Variants in CCDC85A observed in about 807,000 individuals in gnomAD.
CCDC85A encodes the protein coiled-coil domain-containing protein 85A.
In CCDC85A, 38 loss-of-function variants were observed where a neutral mutation model predicts 50.2. That is an observed-to-expected ratio of 0.76 (90% CI 0.58 to 0.99). The LOEUF is 0.99. Ranked by LOEUF, CCDC85A falls within the 50% of genes least tolerant of loss-of-function variation. CCDC85A has a pLI of 0.00. For synonymous variants in CCDC85A, 366 were observed against 301.4 expected (o/e 1.21, Z -2.22); for missense variants, 820 against 742.0 (o/e 1.11, Z -1.22).
chr2:56,288,574 C>T (rs142868858), intron 2 of CCDC85A, among the ~76,000 whole-genome samples: 121 of 152,140 alleles, frequency 8.0e-4, no homozygotes, highest in African/African-American at 2.6e-3. Flanking sequence ...ATTATGTTTA[C>T]CTTTAATTTG....
At chr2:56,193,633 T>C (rs1268082081) in intron 2 of CCDC85A, among the ~76,000 whole-genome samples, 193 bp downstream of exon 2, 1 of 152,172 alleles carries the variant, frequency 6.6e-6, no homozygotes, top group East Asian at 1.9e-4. Flanking sequence ...TCTAAACAGT[T>C]ATCAGTCAGT....
intron 2 of CCDC85A, among the ~76,000 whole-genome samples, chr2:56,326,539 C>G (rs1208773193): frequency 1.3e-5 from 2 of 152,102 alleles, no homozygotes; most frequent in Non-Finnish European, 2.9e-5. Flanking sequence ...TCCCTCCGTA[C>G]TACACTATTG....
At chr2:56,285,149 T>G (rs1449483713) in intron 2 of CCDC85A, among the ~76,000 whole-genome samples, 2 of 151,586 alleles carry the variant, frequency 1.3e-5, no homozygotes, top group Admixed American at 6.6e-5. Flanking sequence ...TCGCCCAGGC[T>G]GGAGTGCAGT....
At chr2:56,268,108 T>G (rs1381434212) in intron 2 of CCDC85A, among the ~76,000 whole-genome samples, 2 of 152,214 alleles carry the variant, frequency 1.3e-5, no homozygotes, top group East Asian at 3.8e-4. Flanking sequence ...TTCTATATTT[T>G]TGGAAGATTT....
intron 5 of CCDC85A, among the ~76,000 whole-genome samples, chr2:56,378,682 G>A (rs1034908725): frequency 2.0e-5 from 3 of 152,144 alleles, no homozygotes; most frequent in African/African-American, 7.2e-5. Context: ...TTTATTACAG[G>A]ATCGAACTCT....
At chr2:56,277,003 A>G (rs1033949714) in intron 2 of CCDC85A, among the ~76,000 whole-genome samples, 2 of 152,142 alleles carry the variant, frequency 1.3e-5, no homozygotes, top group African/African-American at 4.8e-5. Context: ...TAGTCTCCCA[A>G]TCCTCCAAGA....
chr2:56,329,611 T>A (rs1414580317), intron 2 of CCDC85A, among the ~76,000 whole-genome samples: 1 of 152,162 alleles, frequency 6.6e-6, no homozygotes, highest in Non-Finnish European at 1.5e-5. Flanking sequence ...AGAATGTCGC[T>A]TTTCTTATAT....
At chr2:56,325,971 C>T (rs1207946455) in intron 2 of CCDC85A, among the ~76,000 whole-genome samples, 3 of 152,090 alleles carry the variant, frequency 2.0e-5, no homozygotes, top group Non-Finnish European at 4.4e-5. Flanking sequence ...TTCATTCCTT[C>T]AACAAATGCA....
intron 2 of CCDC85A, among the ~76,000 whole-genome samples, chr2:56,315,018 T>C (rs1168296411): frequency 1.3e-5 from 2 of 152,140 alleles, no homozygotes; most frequent in Non-Finnish European, 2.9e-5. Flanking sequence ...TTCTATTGCC[T>C]TACTAGAAGA....
intron 3 of CCDC85A, among the ~76,000 whole-genome samples, chr2:56,357,611 C>G (rs1461447879): frequency 6.8e-6 from 1 of 147,700 alleles, no homozygotes; most frequent in Non-Finnish European, 1.5e-5. Context: ...CTTTAGGGCC[C>G]AAGAAGGGAC....
At position 56,190,167 on chromosome 2, in the gene CCDC85A, GC is replaced by G. The variant is rs551246664; in HGVS notation, c.277-2305del. ...ATCAGCCTGAGTGTAAGTGAATTCA[GC>G]CCCCTTTCTGAGTACCTCTAGTTCT... On this transcript the variant is annotated intron_variant, in intron 1 of 5. Transcript: ENST00000407595. Among the ~76,000 whole-genome samples the G allele has an allele frequency of 2.3e-3, 348 of 152,304 alleles. 3 individuals are homozygous for G. The highest frequency in any genetic ancestry group is 7.6e-3 in the African/African-American group (317 of 41,564).
chr2:56,278,455 C>G (rs907471646), intron 2 of CCDC85A, among the ~76,000 whole-genome samples: 2 of 152,170 alleles, frequency 1.3e-5, no homozygotes, highest in African/African-American at 4.8e-5. Context: ...CCAATTCTGT[C>G]TTTTCCAGCT....
intron 2 of CCDC85A, among the ~76,000 whole-genome samples, chr2:56,257,636 ACT>A (rs753806265): frequency 1.3e-5 from 2 of 151,992 alleles, no homozygotes; most frequent in Admixed American, 6.6e-5. Context: ...GAATTTTGAC[ACT>A]CTTTTGAGTG....
At chr2:56,376,919 C>T (rs148378165) in intron 5 of CCDC85A, among the ~76,000 whole-genome samples, 2 of 152,214 alleles carry the variant, frequency 1.3e-5, no homozygotes, top group Non-Finnish European at 2.9e-5. Context: ...TGGAGATGCA[C>T]TCCTCTTTTG....
rs1675196251 is a variant in CCDC85A, at chr2:56,355,810, G to A, written c.1317+12855G>A. ...ATAGCAAGTAAAGGAATTGGGTATT[G>A]TCTTTTCATGACCTAAAATGCCTCT... On this transcript the variant is annotated intron_variant, in intron 3 of 5. Transcript: ENST00000407595. 1.3e-5 allele frequency among the ~76,000 whole-genome samples: 2 copies of A among 152,182 alleles called. 1 individual carries two copies. The highest frequency in any genetic ancestry group is 1.3e-4 in the Admixed American group (2 of 15,274).
chr2:56,189,822 G>A (rs1676221758), intron 1 of CCDC85A, among the ~76,000 whole-genome samples: 1 of 152,178 alleles, frequency 6.6e-6, no homozygotes, highest in Admixed American at 6.5e-5. Flanking sequence ...GTCTGATTGA[G>A]GAGTGCTTGT....
At chr2:56,318,825 T>G (rs1054348442) in intron 2 of CCDC85A, among the ~76,000 whole-genome samples, 1 of 152,122 alleles carries the variant, frequency 6.6e-6, no homozygotes, top group Non-Finnish European at 1.5e-5. Flanking sequence ...TTATGTTTAG[T>G]GCTCCATGCA....
intron 2 of CCDC85A, among the ~76,000 whole-genome samples, chr2:56,229,648 T>A (rs77776424): frequency 6.6e-6 from 1 of 151,718 alleles, no homozygotes; most frequent in African/African-American, 2.4e-5. Context: ...GTGGCCATAA[T>A]TTTTTTTTGT....
intron 3 of CCDC85A, among the ~76,000 whole-genome samples, chr2:56,360,799 C>A (rs1295980902): frequency 6.6e-6 from 1 of 152,142 alleles, no homozygotes; most frequent in Non-Finnish European, 1.5e-5. Context: ...TATCTTTTAT[C>A]CCCAGAATCT....
Sources: allele counts gnomAD v4.1 joint callset (sites outside exome capture counted in the v4.1 genomes callset), GRCh38; gene constraint gnomAD v4.1.1; transcripts MANE v1.5; gene names NCBI Gene and HGNC (gene_info 2026-07-23, HGNC 2026-07-21).